Variants in CADM2 observed in about 807,000 individuals in gnomAD.
The protein encoded by CADM2 is immunoglobulin superfamily member 4D.
A neutral mutation model predicts 49.8 loss-of-function variants in CADM2; 12 were observed. The observed-to-expected ratio is 0.24, with a 90% CI of 0.15 to 0.39. The LOEUF is 0.39. CADM2 is among the 10% of genes least tolerant of loss of function. CADM2 has a pLI of 1.00. For missense variants in CADM2, 378 were observed against 492.3 expected, an observed-to-expected ratio of 0.77 and a Z score of 2.20; for synonymous variants, 214 against 175.4, an observed-to-expected ratio of 1.22 and a Z score of -1.74.
Position 86,066,873 on chromosome 3 carries a change from T to C in CADM2, c.*90T>C. The C allele has an allele frequency of 1.2e-6, 1 of 857,878 alleles. No homozygotes were observed. Among genetic ancestry groups the C allele is most frequent in the Non-Finnish European group, 2.0e-6 (1 of 507,322 alleles). 53.1% of individuals were successfully genotyped at this position (857,878 alleles called of 1,614,324 possible). A position where few individuals can be genotyped will look rare whatever the true frequency, so the allele number is the denominator to read the frequency against. On this transcript the variant is annotated 3_prime_UTR_variant, in exon 10 of 10. Coordinates refer to ENST00000383699, the MANE Select transcript of CADM2 (RefSeq NM_001167675.2). Reference sequence around the variant, plus strand: ...TTCAGAAGTCATTTCTACCATCGTCTGCTACCCTTATTAACTCCCATACTG... The same window carrying C: ...TTCAGAAGTCATTTCTACCATCGTCCGCTACCCTTATTAACTCCCATACTG...
At position 85,575,234 on chromosome 3, in the gene CADM2, A is replaced by C. The variant is rs562571207; in HGVS notation, c.62-151288A>C. 3.9e-5 allele frequency among the ~76,000 whole-genome samples: 6 copies of C among 152,302 alleles called. No homozygotes were observed. In the East Asian group the frequency reaches 9.7e-4, roughly 25 times the overall value. On this transcript the variant is annotated intron_variant, in intron 1 of 9. Coordinates refer to ENST00000383699, the MANE Select transcript of CADM2 (RefSeq NM_001167675.2). The stretch of plus-strand genomic sequence containing the variant: ...CAATTAGAATCTTCAATGAAAATGC[A>C]TGAACTTACCAAAAATATACTCTTT...
chr3:85,726,609 G>T lies in CADM2; in HGVS notation c.88+61G>T, dbSNP rs561306657. The T allele has an allele frequency of 3.2e-5, 44 of 1,360,864 alleles. No individual in the cohort carries two copies. In the African/African-American group the frequency reaches 6.0e-4, roughly 19 times the overall value. The allele number at this position is 1,360,864 out of a possible 1,614,324, so 84.3% of individuals were successfully genotyped here. Reference sequence around the variant, plus strand: ...TTCATTTTTCTGCTCAATCTTCTAAGTTCTCTTAAATGATAGAACCAATTC... The same window carrying T: ...TTCATTTTTCTGCTCAATCTTCTAATTTCTCTTAAATGATAGAACCAATTC... On this transcript the variant is annotated intron_variant, in intron 2 of 9. Transcript: ENST00000383699.
At chr3:84,992,395 C>A (rs1473792570) in intron 1 of CADM2, among the ~76,000 whole-genome samples, 1 of 140,806 alleles carries the variant, frequency 7.1e-6, no homozygotes, top group Non-Finnish European at 1.7e-5. Flanking sequence ...CTTTGGCAAG[C>A]CGAGGCGGGC....
chr3:85,862,008 T>C (rs2108324902), intron 3 of CADM2, among the ~76,000 whole-genome samples: 1 of 152,228 alleles, frequency 6.6e-6, no homozygotes, highest in African/African-American at 2.4e-5. Flanking sequence ...TGCTACACAA[T>C]TGCAATAATT....
intron 1 of CADM2, among the ~76,000 whole-genome samples, chr3:85,237,011 T>C (rs78792168): frequency 6.6e-6 from 1 of 152,170 alleles, no homozygotes; most frequent in East Asian, 1.9e-4. Flanking sequence ...TAACAATAAT[T>C]GTGGATATTT....
intron 2 of CADM2, among the ~76,000 whole-genome samples, chr3:85,758,521 G>A (rs2069224738): frequency 6.6e-6 from 1 of 152,008 alleles, no homozygotes; most frequent in African/African-American, 2.4e-5. Flanking sequence ...TTAATTTTAT[G>A]TGTTTCTTTA....
intron 1 of CADM2, among the ~76,000 whole-genome samples, chr3:85,465,452 T>A (rs568828803): frequency 9.2e-5 from 14 of 152,122 alleles, no homozygotes; most frequent in Non-Finnish European, 1.8e-4. Flanking sequence ...ATATTATGTA[T>A]AAGTATACAA....
intron 1 of CADM2, among the ~76,000 whole-genome samples, chr3:85,458,793 T>A (rs1382132822): frequency 6.7e-6 from 1 of 148,434 alleles, no homozygotes; most frequent in African/African-American, 2.6e-5. Context: ...ACAAAAAAAA[T>A]CAAAGAAACT....
intron 1 of CADM2, among the ~76,000 whole-genome samples, chr3:85,557,453 C>G (rs898924192): frequency 6.7e-6 from 1 of 148,496 alleles, no homozygotes; most frequent in African/African-American, 2.4e-5. Context: ...GATTTTCTTC[C>G]TTTAAGTCTT....
chr3:84,983,179 A>ATGGATTGCAATATTTCATTTTGCAATATT (rs2032314828), intron 1 of CADM2, among the ~76,000 whole-genome samples: 1 of 152,148 alleles, frequency 6.6e-6, no homozygotes, highest in South Asian at 2.1e-4. Context: ...TTTGCAATGT[A>ATGGATTGCAATATTTCATTTTGCAATATT]TCATTTTTGT....
At chr3:85,851,904 A>G (rs2075124326) in intron 3 of CADM2, among the ~76,000 whole-genome samples, 1 of 152,108 alleles carries the variant, frequency 6.6e-6, no homozygotes, top group South Asian at 2.1e-4. Flanking sequence ...AAGGAGAACA[A>G]ATGTGTGTGG....
intron 1 of CADM2, among the ~76,000 whole-genome samples, chr3:85,242,274 G>C (rs1427196325): frequency 6.6e-6 from 1 of 150,562 alleles, no homozygotes; most frequent in East Asian, 1.9e-4. Context: ...TAGTTTTACT[G>C]TTACTGTTGT....
intron 1 of CADM2, among the ~76,000 whole-genome samples, chr3:85,179,347 A>C (rs1237603470): frequency 6.6e-6 from 1 of 152,088 alleles, no homozygotes; most frequent in African/African-American, 2.4e-5. Flanking sequence ...AAAAGTGTGT[A>C]TATGTATAAA....
At chr3:85,380,239 A>G (rs1039175158) in intron 1 of CADM2, among the ~76,000 whole-genome samples, 1 of 151,994 alleles carries the variant, frequency 6.6e-6, no homozygotes, top group Non-Finnish European at 1.5e-5. Flanking sequence ...TCCAATACCA[A>G]TGATTTAGAA....
At chr3:85,108,181 G>A (rs896953968) in intron 1 of CADM2, among the ~76,000 whole-genome samples, 4 of 151,662 alleles carry the variant, frequency 2.6e-5, no homozygotes, top group Admixed American at 2.6e-4. Flanking sequence ...TCTGTAAATG[G>A]TTGCATAGAT....
intron 1 of CADM2, among the ~76,000 whole-genome samples, chr3:85,520,959 C>G (rs2061014885): frequency 6.6e-6 from 1 of 151,938 alleles, no homozygotes; most frequent in Admixed American, 6.6e-5. Context: ...AGAATTTATG[C>G]TATTCCATAA....
At chr3:85,323,921 G>T (rs2107118360) in intron 1 of CADM2, among the ~76,000 whole-genome samples, 1 of 152,284 alleles carries the variant, frequency 6.6e-6, no homozygotes, top group Admixed American at 6.5e-5. Flanking sequence ...GATAATGGTA[G>T]TTGAGAGAAT....
chr3:85,055,837 A>G (rs1052220941), intron 1 of CADM2, among the ~76,000 whole-genome samples: 1 of 152,062 alleles, frequency 6.6e-6, no homozygotes, highest in African/African-American at 2.4e-5. Context: ...GTAGTATCTC[A>G]GGCCCTATCC....
At chr3:85,334,773 T>A (rs1356047804) in intron 1 of CADM2, among the ~76,000 whole-genome samples, 1 of 151,538 alleles carries the variant, frequency 6.6e-6, no homozygotes, top group Non-Finnish European at 1.5e-5. Flanking sequence ...ATTACTGACT[T>A]AGTTTCTTCT....
Sources: gnomAD v4.1 joint callset for allele counts (sites outside exome capture counted in the v4.1 genomes callset) on GRCh38, gnomAD v4.1.1 for gene constraint, MANE v1.5 for transcripts, NCBI Gene and HGNC (gene_info 2026-07-23, HGNC 2026-07-21) for gene names.